The following PNPT1 variants were observed in gnomAD, a reference collection of about 807,000 sequenced individuals.
PNPT1 encodes polyribonucleotide nucleotidyltransferase 1, mitochondrial.
Under a neutral mutation model 119.5 loss-of-function variants are expected in PNPT1, and 53 were observed. The ratio of observed to expected loss-of-function variants is 0.44; its 90% CI spans 0.36 to 0.56. The LOEUF (loss-of-function observed/expected upper bound fraction) is 0.56. Ranked by LOEUF, PNPT1 falls within the 20% of genes least tolerant of loss-of-function variation. The pLI is 0.00. For missense variants in PNPT1, 948 were observed against 938.5 expected (o/e 1.01, Z -0.13); for synonymous variants, 357 against 322.1 (o/e 1.11, Z -1.16).
chr2:55,658,766 G>A (rs1204133795), intron 15 of PNPT1, among the ~76,000 whole-genome samples: 2 of 152,086 alleles, frequency 1.3e-5, no homozygotes, highest in Admixed American at 1.3e-4. Flanking sequence ...ATATTTATAA[G>A]GGATTCAAGA....
chr2:55,683,357 G>A (rs1008978806), intron 5 of PNPT1, among the ~76,000 whole-genome samples: 4 of 152,170 alleles, frequency 2.6e-5, no homozygotes, highest in Admixed American at 1.3e-4. Flanking sequence ...GCTCACGCCT[G>A]TAATCCTAGC....
At chr2:55,687,109 G>A (rs1481329966) in intron 2 of PNPT1, among the ~76,000 whole-genome samples, 1 of 151,688 alleles carries the variant, frequency 6.6e-6, no homozygotes, top group African/African-American at 2.4e-5. Context: ...AGCTACTAAG[G>A]AGGCTGAGGC....
chr2:55,640,953 C>T (rs560533376), intron 25 of PNPT1, among the ~76,000 whole-genome samples: 8 of 152,020 alleles, frequency 5.3e-5, no homozygotes, highest in South Asian at 4.2e-4. Context: ...GAGCCAGGTG[C>T]GGTGGCTCAC....
chr2:55,655,863 T>C (rs1186229659), intron 17 of PNPT1, among the ~76,000 whole-genome samples: 1 of 152,220 alleles, frequency 6.6e-6, no homozygotes, highest in Non-Finnish European at 1.5e-5. Flanking sequence ...CCTTGTTCTG[T>C]GGTTTGTTTG....
In PNPT1 at chr2:55,645,360, C is replaced by G. The variant is rs1392899293; in HGVS notation, c.1811G>C (p.Gly604Ala). 6.2e-7 allele frequency: 1 copy of G among 1,607,660 alleles called. No homozygotes were observed. Among genetic ancestry groups the G allele is most frequent in the Admixed American group, 1.7e-5 (1 of 59,952 alleles). The change falls in exon 22 of 28, where the codon GGA (glycine) becomes GCA (alanine). Residue 604 changes from glycine (G) to alanine (A), a missense_variant. Transcript: ENST00000447944. ...TTTTAATGTATTACCTACAACAGGT[C>G]CATTTTCTTTTCTAGATGCTCGAGG... ...SKPRASRKEN[G>A]PVVETVQVPL...
intron 23 of PNPT1, 95 bp from the exon 24 acceptor site, chr2:55,643,520 G>T: frequency 9.3e-7 from 1 of 1,072,306 alleles, no homozygotes; most frequent in Non-Finnish European, 1.4e-6. Context: ...TGAGGTGGGA[G>T]GATCACTTGA....
intron 10 of PNPT1, among the ~76,000 whole-genome samples, 168 bp downstream of exon 10, chr2:55,671,827 A>AAAAAC (rs147416432): frequency 9.9e-5 from 15 of 152,256 alleles, no homozygotes; most frequent in African/African-American, 2.7e-4. Context: ...ACTCTGTCTC[A>AAAAAC]AAAACAAAAC....
chr2:55,675,096 A>G (rs577548504), intron 8 of PNPT1, among the ~76,000 whole-genome samples: 9 of 152,202 alleles, frequency 5.9e-5, no homozygotes, highest in Non-Finnish European at 8.8e-5. Context: ...TCCTGTCCCT[A>G]AAAAGATAAC....
At position 55,643,369 on chromosome 2, in the gene PNPT1, T is replaced by C; in HGVS notation, c.1963A>G (p.Ser655Gly). The C allele has an allele frequency of 2.0e-5, 32 of 1,614,230 alleles. No individual in the cohort carries two copies. The highest frequency in any genetic ancestry group is 2.6e-5 in the Non-Finnish European group (31 of 1,180,036). The change falls in exon 24 of 28, where the codon AGT becomes GGT. Residue 655 changes from serine to glycine, a missense_variant. Physicochemically the swap from Ser to Gly is moderately conservative, Grantham distance 56 (BLOSUM62 0). Transcript: ENST00000447944. Reference sequence around the variant, plus strand: ...AAGTCTCTTGCCTCATGCATAGCACTGGGTGTTGGTGCAAATACAGAAAAC... The same window carrying C: ...AAGTCTCTTGCCTCATGCATAGCACCGGGTGTTGGTGCAAATACAGAAAAC... ...ETFSVFAPTPSAMHEARDFIT... is the reference protein window; with the variant it reads ...ETFSVFAPTPGAMHEARDFIT...
intron 5 of PNPT1, among the ~76,000 whole-genome samples, chr2:55,683,294 C>T (rs567333163): frequency 3.2e-4 from 49 of 152,256 alleles, no homozygotes; most frequent in African/African-American, 1.2e-3. Flanking sequence ...CTCAAACAGA[C>T]ACTGAATAAA....
intron 11 of PNPT1, 48 bp downstream of exon 11, chr2:55,671,271 T>C (rs987716557): frequency 7.3e-6 from 8 of 1,096,452 alleles, no homozygotes; most frequent in African/African-American, 1.6e-5. Flanking sequence ...CATGCCTTAT[T>C]AAAGCTGCCC....
intron 8 of PNPT1, among the ~76,000 whole-genome samples, chr2:55,679,411 C>T (rs997907751): frequency 6.6e-6 from 1 of 151,790 alleles, no homozygotes; most frequent in African/African-American, 2.4e-5. Context: ...AAAAATTAGT[C>T]ATAATTTTAA....
At position 55,693,793 on chromosome 2, in the gene PNPT1, G is replaced by A. The variant is rs1697699537; in HGVS notation, c.31C>T (p.Leu11Phe). The change falls in exon 1 of 28, where the codon CTC becomes TTC. Residue 11 changes from leucine (L) to phenylalanine (F), a missense_variant. Leu to Phe is a conservative substitution (Grantham distance 22). Transcript: ENST00000447944. The part of the protein sequence containing the change: MAACRYCCSC[L>F]RLRPLSDGPF... ...CCATCGCTCAGGGGCCGGAGCCGGA[G>A]GCACGAGCAGCAGTACCTGCAGGCC... The A allele has an allele frequency of 1.9e-6, 3 of 1,613,974 alleles. No individual in the cohort carries two copies. Among genetic ancestry groups the A allele is most frequent in the Non-Finnish European group, 2.5e-6 (3 of 1,180,040 alleles).
chr2:55,648,371 T>C lies in PNPT1; in HGVS notation c.1496-918A>G, dbSNP rs117451440. 9.4e-4 allele frequency among the ~76,000 whole-genome samples: 143 copies of C among 152,348 alleles called. 3 individuals are homozygous for C. The East Asian group carries it at 0.018, about 19-fold the overall frequency. On this transcript the variant is annotated intron_variant, in intron 18 of 27. Coordinates refer to ENST00000447944, the MANE Select transcript of PNPT1 (RefSeq NM_033109.5). ...TACAAGTCACACACAGAAGTGCGAT[T>C]GCTGAGTCAAAAGGTATGTGCATTT...
chr2:55,636,852 A>C (rs1460048203), intron 27 of PNPT1, among the ~76,000 whole-genome samples: 1 of 149,936 alleles, frequency 6.7e-6, no homozygotes, highest in Non-Finnish European at 1.5e-5. Context: ...GCAAAGGTTT[A>C]AAGTTCCTTC....
chr2:55,675,436 T>C (rs1219776725), intron 8 of PNPT1, among the ~76,000 whole-genome samples: 1 of 152,074 alleles, frequency 6.6e-6, no homozygotes, highest in Admixed American at 6.6e-5. Context: ...AATGGTAAAA[T>C]TTAAAAAATA....
intron 7 of PNPT1, among the ~76,000 whole-genome samples, chr2:55,680,421 C>A (rs1697209038): frequency 1.8e-5 from 1 of 56,578 alleles, no homozygotes; most frequent in Non-Finnish European, 3.5e-5. Flanking sequence ...GATAATTTCC[C>A]AGTTAAAAAA....
Position 55,638,920 on chromosome 2 carries a change from G to GTGC in PNPT1, c.2149-1322_2149-1321insGCA, listed in dbSNP as rs1174103078. The stretch of plus-strand genomic sequence containing the variant: ...CTCCAGAGTAGCTGGGATTACAGGT[G>GTGC]CACGCCATCATGCCCAGCTAATTTT... On this transcript the variant is annotated intron_variant, in intron 26 of 27. Transcript: ENST00000447944. 5.3e-5 allele frequency among the ~76,000 whole-genome samples: 8 copies of GTGC among 151,938 alleles called. No individual in the cohort carries two copies. The East Asian group carries it at 1.6e-3, about 29-fold the overall frequency.
intron 26 of PNPT1, among the ~76,000 whole-genome samples, 187 bp downstream of exon 26, chr2:55,640,440 C>A (rs1012421125): frequency 6.6e-6 from 1 of 152,208 alleles, no homozygotes; most frequent in African/African-American, 2.4e-5. Flanking sequence ...GCATGAGCCA[C>A]CCTGCCCAGC....
Sources: allele counts gnomAD v4.1 joint callset (sites outside exome capture counted in the v4.1 genomes callset), GRCh38; gene constraint gnomAD v4.1.1; transcripts MANE v1.5; gene names NCBI Gene and HGNC (gene_info 2026-07-23, HGNC 2026-07-21).